SBNO2: variants seen among roughly 807,000 people sequenced by gnomAD.
The protein encoded by SBNO2 is strawberry notch homolog 2, also known as protein strawberry notch homolog 2.
A neutral mutation model predicts 146.3 loss-of-function variants in SBNO2; 89 were observed. That is an observed-to-expected ratio of 0.61 (90% CI 0.51 to 0.73). The LOEUF is 0.73. SBNO2 is among the 30% of genes least tolerant of loss of function. SBNO2 has a pLI of 0.00. For synonymous variants in SBNO2, 1,147 were observed against 892.6 expected (o/e 1.29, Z -5.08); for missense variants, 2,092 against 2,003.7 (o/e 1.04, Z -0.84).
rs533057868 is a variant in SBNO2 at position 1,129,612 on chromosome 19, G to A, written c.280-1847C>T. ...CACTGAGGCCCACGAGGGCCCTCCG[G>A]ACACTGCCCACCCAGGCTGCAGAGG... On this transcript the variant is annotated intron_variant, in intron 4 of 31. Transcript: ENST00000361757. 1.2e-3 allele frequency among the ~76,000 whole-genome samples: 185 copies of A among 152,226 alleles called. 1 individual carries two copies. Among genetic ancestry groups the A allele is most frequent in the Non-Finnish European group, 2.1e-3 (146 of 67,998 alleles).
Position 1,147,364 on chromosome 19 carries a change from T to C in SBNO2, c.224A>G (p.Tyr75Cys), listed in dbSNP as rs1301646327. 5 of 1,550,008 alleles carry C rather than the reference T, an allele frequency of 3.2e-6. No individual in the cohort carries two copies. Among genetic ancestry groups the C allele is most frequent in the Admixed American group, 2.0e-5 (1 of 49,332 alleles). Residue 75 changes from tyrosine (Y) to cysteine (C), a missense_variant, in exon 4 of 32, where the codon TAT (tyrosine) becomes TGT (cysteine). Tyr to Cys is a radical substitution (Grantham distance 194). Coordinates refer to ENST00000361757, the MANE Select transcript of SBNO2 (RefSeq NM_014963.3). ...LGSQPCPDTS[Y>C]APVATASSLP... is the part of the protein sequence containing the mutation. ...GCTGGAGGCGGTGGCCACGGGGGCATAGCTGGTGTCTGGGCAGGGCTGGCT... is the reference window on the plus strand; with the variant it reads ...GCTGGAGGCGGTGGCCACGGGGGCACAGCTGGTGTCTGGGCAGGGCTGGCT...
intron 1 of SBNO2, 44 bp downstream of exon 1, chr19:1,174,128 G>A (rs1214662178): frequency 6.6e-6 from 1 of 151,840 alleles, no homozygotes; most frequent in African/African-American, 2.4e-5. Context: ...GGCCAGGCAG[G>A]GGTCGCGGTG....
chr19:1,114,926 C>T (rs1170284917), intron 17 of SBNO2, among the ~76,000 whole-genome samples: 1 of 151,802 alleles, frequency 6.6e-6, no homozygotes, highest in East Asian at 1.9e-4. Flanking sequence ...AACCACCACG[C>T]CTGGCTTATT....
At chr19:1,156,490 G>A (rs117458870) in intron 1 of SBNO2, among the ~76,000 whole-genome samples, 94 of 152,214 alleles carry the variant, frequency 6.2e-4, no homozygotes, top group Admixed American at 1.7e-3. Context: ...TTCCTCAAGA[G>A]GCTAACGCTG....
chr19:1,161,379 G>C (rs2080343139), intron 1 of SBNO2, among the ~76,000 whole-genome samples: 1 of 79,514 alleles, frequency 1.3e-5, no homozygotes, highest in Non-Finnish European at 2.6e-5. Context: ...TGAGTACTGG[G>C]GGTGGGGGTG....
In SBNO2 at chr19:1,139,565, C is replaced by A. The variant is rs566139797; in HGVS notation, c.279+7744G>T. Reference sequence around the variant, plus strand: ...ATCCCGACACTTTGGGAGGCCGAGGCGGATGGATCACCTGAGATCACGAGT... The same window carrying A: ...ATCCCGACACTTTGGGAGGCCGAGGAGGATGGATCACCTGAGATCACGAGT... On this transcript the variant is annotated intron_variant, in intron 4 of 31. Coordinates refer to ENST00000361757, the MANE Select transcript of SBNO2 (RefSeq NM_014963.3). Among the ~76,000 whole-genome samples the A allele has an allele frequency of 1.2e-4, 18 of 152,110 alleles. No homozygotes were observed. In the South Asian group the frequency reaches 3.7e-3, roughly 32 times the overall value.
At chr19:1,159,940 A>C (rs1169199529) in intron 1 of SBNO2, among the ~76,000 whole-genome samples, 1 of 151,812 alleles carries the variant, frequency 6.6e-6, no homozygotes, top group Non-Finnish European at 1.5e-5. Flanking sequence ...CAGGGAAGGG[A>C]GGTGGGTGAG....
chr19:1,120,635 T>C (rs1313372370), intron 11 of SBNO2, among the ~76,000 whole-genome samples: 1 of 152,012 alleles, frequency 6.6e-6, no homozygotes, highest in Non-Finnish European at 1.5e-5. Context: ...CCTCCCAAAG[T>C]GCTGGGATTA....
At chr19:1,122,426 G>A (rs751104897) in intron 10 of SBNO2, 42 bp downstream of exon 10, 50 of 1,541,672 alleles carry the variant, frequency 3.2e-5, no homozygotes, top group East Asian at 4.8e-5. Context: ...TGCAGGGCAC[G>A]GTCCCCACCT....
At chr19:1,137,224 GA>G (rs2145269579) in intron 4 of SBNO2, among the ~76,000 whole-genome samples, 2 of 100,130 alleles carry the variant, frequency 2.0e-5, no homozygotes, top group East Asian at 2.8e-4. Context: ...TGCAGTGGAG[GA>G]GAGGCTCGGG....
intron 17 of SBNO2, among the ~76,000 whole-genome samples, chr19:1,114,657 C>A (rs1231839935): frequency 2.7e-5 from 4 of 148,936 alleles, no homozygotes; most frequent in Admixed American, 6.7e-5. Context: ...TATTTATTTT[C>A]TTTTGAGACG....
chr19:1,170,375 G>A lies in SBNO2; in HGVS notation c.-127+3797C>T, dbSNP rs560769937. Among the ~76,000 whole-genome samples the A allele has an allele frequency of 5.3e-5, 8 of 152,266 alleles. No individual in the cohort carries two copies. The South Asian group carries it at 1.2e-3, about 24-fold the overall frequency. Reference sequence around the variant, plus strand: ...GTCCCAGCCCGAGGGTGCAGGTGCCGGCCAACCTCCCGGGGGTTGGGGGCG... The same window carrying A: ...GTCCCAGCCCGAGGGTGCAGGTGCCAGCCAACCTCCCGGGGGTTGGGGGCG... On this transcript the variant is annotated intron_variant, in intron 1 of 31. Transcript: ENST00000361757.
chr19:1,146,825 G>A (rs2080194974), intron 4 of SBNO2, among the ~76,000 whole-genome samples: 1 of 151,096 alleles, frequency 6.6e-6, no homozygotes, highest in South Asian at 2.1e-4. Context: ...GGTGGGGTCC[G>A]CCTGATGCCG....
chr19:1,133,476 CCT>C (rs71868126), intron 4 of SBNO2, among the ~76,000 whole-genome samples: 9,997 of 152,252 alleles, frequency 0.066, 611 homozygotes, highest in East Asian at 0.15. Flanking sequence ...TGTTCTAGAC[CCT>C]GAGGCCCTGT....
chr19:1,167,928 G>A (rs1310372410), intron 1 of SBNO2, among the ~76,000 whole-genome samples: 4 of 152,172 alleles, frequency 2.6e-5, no homozygotes, highest in Non-Finnish European at 5.9e-5. Flanking sequence ...CTGTGGATGA[G>A]GAGCTCGAGT....
At position 1,124,059 on chromosome 19, in the gene SBNO2, G is replaced by A. The variant is rs749096172; in HGVS notation, c.442-37C>T. Reference sequence around the variant, plus strand: ...GCAGGATGTCAGCCCGGGCCAGACGGGACAGGTCACAGCTGGTGGGCCCTC... The same window carrying A: ...GCAGGATGTCAGCCCGGGCCAGACGAGACAGGTCACAGCTGGTGGGCCCTC... On this transcript the variant is annotated intron_variant, in intron 5 of 31. Coordinates refer to ENST00000361757, the MANE Select transcript of SBNO2 (RefSeq NM_014963.3). 6.7e-5 allele frequency: 106 copies of A among 1,591,414 alleles called. 1 individual carries two copies. The highest frequency in any genetic ancestry group is 1.9e-4 in the African/African-American group (14 of 74,414).
intron 3 of SBNO2, 146 bp from the exon 4 acceptor site, chr19:1,147,566 G>A (rs2080205043): frequency 3.8e-6 from 2 of 527,218 alleles, no homozygotes; most frequent in African/African-American, 2.0e-5. Context: ...TGGCCCCGCT[G>A]CACATACAGA....
intron 4 of SBNO2, among the ~76,000 whole-genome samples, chr19:1,137,053 G>A (rs1169355802): frequency 6.6e-6 from 1 of 150,448 alleles, no homozygotes; most frequent in Non-Finnish European, 1.5e-5. Flanking sequence ...GGATCTGGGT[G>A]ATGTCAGGAA....
intron 2 of SBNO2, among the ~76,000 whole-genome samples, chr19:1,153,361 C>T (rs539614805): frequency 1.3e-5 from 2 of 151,478 alleles, no homozygotes; most frequent in East Asian, 3.9e-4. Flanking sequence ...CCTCAGCCTC[C>T]CAAGTAGCTG....
Sources: allele counts gnomAD v4.1 joint callset (sites outside exome capture counted in the v4.1 genomes callset), GRCh38; gene constraint gnomAD v4.1.1; transcripts MANE v1.5; gene names NCBI Gene and HGNC (gene_info 2026-07-23, HGNC 2026-07-21).